CCDC33: variants seen among roughly 807,000 people sequenced by gnomAD.
The protein encoded by CCDC33 is coiled-coil domain containing 33, also known as coiled-coil domain-containing protein 33.
A neutral mutation model predicts 91.9 loss-of-function variants in CCDC33; 94 were observed. The ratio of observed to expected loss-of-function variants is 1.02; its 90% CI spans 0.87 to 1.21. The LOEUF (loss-of-function observed/expected upper bound fraction) is 1.21. Among genes scored for constraint, CCDC33 ranks in the 50% most tolerant of loss-of-function variants. The pLI is 0.00. For synonymous variants in CCDC33, 396 were observed against 374.5 expected (o/e 1.06, Z -0.66); for missense variants, 940 against 935.5 (o/e 1.00, Z -0.06).
At chr15:74,240,797 T>C (rs2075322990) in intron 1 of CCDC33, among the ~76,000 whole-genome samples, 1 of 152,210 alleles carries the variant, frequency 6.6e-6, no homozygotes, top group Admixed American at 6.5e-5. Flanking sequence ...TTCACCATGT[T>C]GGCCCGGCTG....
intron 1 of CCDC33, chr15:74,208,149 C>A: frequency 1.2e-6 from 1 of 837,680 alleles, no homozygotes; most frequent in Non-Finnish European, 1.5e-6. Flanking sequence ...ATGTTCTTTC[C>A]CTCCCAGAGG....
At position 74,203,086 on chromosome 15, in the gene CCDC33, C is replaced by T. The variant is rs1232294353; in HGVS notation, n.77C>T. The stretch of plus-strand genomic sequence containing the variant: ...GCACACAGACAGGAGACCAGCATTA[C>T]AGCAACAACCGAGTGAGACGGACCG... On this transcript the variant is annotated non_coding_transcript_exon_variant, in exon 1 of 4. Coordinates refer to the CCDC33 transcript ENST00000558645. The T allele has an allele frequency of 9.1e-6, 9 of 985,488 alleles. No individual in the cohort carries two copies. In the East Asian group the frequency reaches 5.7e-4, roughly 62 times the overall value. 61.0% of individuals were successfully genotyped at this position (985,488 alleles called of 1,614,324 possible). A position where few individuals can be genotyped will look rare whatever the true frequency, so the allele number is the denominator to read the frequency against.
At chr15:74,274,265 G>T (rs1237621345) in intron 7 of CCDC33, among the ~76,000 whole-genome samples, 1 of 152,236 alleles carries the variant, frequency 6.6e-6, no homozygotes, top group African/African-American at 2.4e-5. Flanking sequence ...GTATGAGGTT[G>T]GGGGCGGGTG....
At chr15:74,230,431 C>T (rs1461182736) in intron 2 of CCDC33, among the ~76,000 whole-genome samples, 1 of 152,050 alleles carries the variant, frequency 6.6e-6, no homozygotes, top group Non-Finnish European at 1.5e-5. Flanking sequence ...CCTTGTTACA[C>T]GAGTTATTGA....
In CCDC33 at chr15:74,316,626, AG is replaced by A. The variant is rs1373305092; in HGVS notation, c.1291-13561del. On this transcript the variant is annotated intron_variant, in intron 11 of 18. Coordinates refer to ENST00000398814, the MANE Select transcript of CCDC33 (RefSeq NM_025055.5). This position sits in a 1 kb window ranked among gnomAD's most constrained non-coding sequence, Gnocchi z 4.7. ...TGAGGGGCAGGAGCAGGAAGATTTA[AG>A]GCCCACATCTCAGTGCCAGCCAGTG... Among the ~76,000 whole-genome samples the A allele has an allele frequency of 2.6e-5, 4 of 152,046 alleles. No homozygotes were observed. Among genetic ancestry groups the A allele is most frequent in the Non-Finnish European group, 5.9e-5 (4 of 67,986 alleles).
At chr15:74,267,526 C>T (rs1487705786) in intron 4 of CCDC33, among the ~76,000 whole-genome samples, 2 of 150,920 alleles carry the variant, frequency 1.3e-5, no homozygotes, top group Non-Finnish European at 2.9e-5. Flanking sequence ...AGAATTCACT[C>T]TCTCATTGCT....
At chr15:74,221,129 A>T in intron 2 of CCDC33, 1 of 851,622 alleles carries the variant, frequency 1.2e-6, no homozygotes, top group South Asian at 5.3e-5. Flanking sequence ...GACTGTGATC[A>T]GGCATTTCAA....
chr15:74,242,390 G>A (rs947720499), intron 1 of CCDC33, among the ~76,000 whole-genome samples: 26 of 152,184 alleles, frequency 1.7e-4, no homozygotes, highest in Admixed American at 1.3e-3. Flanking sequence ...CAGGGCCCAG[G>A]TCCTTGCTCC....
chr15:74,272,278 G>C (rs1175023498), intron 6 of CCDC33, among the ~76,000 whole-genome samples: 1 of 152,008 alleles, frequency 6.6e-6, no homozygotes, highest in Non-Finnish European at 1.5e-5. Flanking sequence ...CTTTAGCCCT[G>C]CCGGGCGGAG....
intron 2 of CCDC33, among the ~76,000 whole-genome samples, chr15:74,228,676 G>C (rs1460896391): frequency 6.6e-6 from 1 of 152,226 alleles, no homozygotes; most frequent in African/African-American, 2.4e-5. Flanking sequence ...ATGGGAGCGA[G>C]GAGGTTGTAG....
At chr15:74,223,668 A>G (rs1004759806) in intron 2 of CCDC33, among the ~76,000 whole-genome samples, 9 of 139,588 alleles carry the variant, frequency 6.4e-5, no homozygotes, top group South Asian at 4.6e-4. Flanking sequence ...AGGCCCGAGC[A>G]GGTCAGCCCC....
chr15:74,232,104 G>A (rs913209392), upstream of CCDC33, among the ~76,000 whole-genome samples: 14 of 152,190 alleles, frequency 9.2e-5, no homozygotes, highest in Admixed American at 8.5e-4. Flanking sequence ...CTTGGCATGA[G>A]ACCTGGCACA....
At chr15:74,274,490 C>A (rs1194671312) in intron 7 of CCDC33, among the ~76,000 whole-genome samples, 1 of 152,164 alleles carries the variant, frequency 6.6e-6, no homozygotes, top group Admixed American at 6.5e-5. Context: ...GGAGCCCAGG[C>A]TTCATTTAAA....
intron 11 of CCDC33, among the ~76,000 whole-genome samples, chr15:74,324,251 C>T (rs544142261): frequency 5.9e-5 from 9 of 152,198 alleles, no homozygotes; most frequent in Admixed American, 2.6e-4. Context: ...GCTTTGCACA[C>T]GGCTCTTTTG....
intron 7 of CCDC33, among the ~76,000 whole-genome samples, chr15:74,276,456 T>C (rs2076452203): frequency 6.6e-6 from 1 of 152,034 alleles, no homozygotes; most frequent in Admixed American, 6.5e-5. Flanking sequence ...CCCACCACCA[T>C]CCCCTCCTCT....
intron 11 of CCDC33, chr15:74,300,924 T>G (rs2059783628): frequency 6.6e-6 from 1 of 152,266 alleles, no homozygotes. Flanking sequence ...GCCTTTCAAG[T>G]TCCATTTGGT....
intron 1 of CCDC33, among the ~76,000 whole-genome samples, chr15:74,238,042 C>T (rs1477026990): frequency 6.6e-6 from 1 of 151,940 alleles, no homozygotes; most frequent in Non-Finnish European, 1.5e-5. Flanking sequence ...GCAGGAGAAT[C>T]GCTTGAACCT....
intron 5 of CCDC33, among the ~76,000 whole-genome samples, chr15:74,270,915 C>G (rs777527504): frequency 1.3e-5 from 2 of 152,106 alleles, no homozygotes; most frequent in Non-Finnish European, 2.9e-5. Flanking sequence ...AGAGGGCAGT[C>G]AGGACTGGGA....
At chr15:74,217,950 G>A (rs1230827108) in intron 1 of CCDC33, among the ~76,000 whole-genome samples, 1 of 152,088 alleles carries the variant, frequency 6.6e-6, no homozygotes, top group Non-Finnish European at 1.5e-5. Context: ...CTGTCCCTGA[G>A]CCCCACTAGA....
Sources: allele counts gnomAD v4.1 joint callset (sites outside exome capture counted in the v4.1 genomes callset), GRCh38; gene constraint gnomAD v4.1.1; non-coding constraint Gnocchi (gnomAD v3.1); transcripts MANE v1.5; gene names NCBI Gene and HGNC (gene_info 2026-07-23, HGNC 2026-07-21).